Variants in SLC37A1 observed in about 807,000 individuals in gnomAD.
SLC37A1 encodes glucose-6-phosphate exchanger SLC37A1.
A neutral mutation model predicts 75.3 loss-of-function variants in SLC37A1; 49 were observed. The observed-to-expected ratio is 0.65, with a 90% CI of 0.52 to 0.83. The LOEUF (loss-of-function observed/expected upper bound fraction) is 0.83, where lower values mean the gene tolerates loss of function less well. SLC37A1 is among the 40% of genes least tolerant of loss of function. The probability of loss-of-function intolerance (pLI) is 0.00; values close to 1 mark genes in which losing one functional copy is unlikely to be tolerated. For synonymous variants in SLC37A1, 268 were observed against 292.1 expected, an observed-to-expected ratio of 0.92 and a Z score of 0.84; for missense variants, 566 against 695.0, an observed-to-expected ratio of 0.81 and a Z score of 2.09.
intron 19 of SLC37A1, among the ~76,000 whole-genome samples, chr21:42,580,090 T>C (rs1404142798): frequency 6.6e-6 from 1 of 150,884 alleles, no homozygotes; most frequent in Non-Finnish European, 1.5e-5. Flanking sequence ...CTCGCCCCCT[T>C]CTCCCTCCCT....
Position 42,547,099 on chromosome 21 carries a change from T to C in SLC37A1, c.731-4T>C, listed in dbSNP as rs1479849232. The stretch of plus-strand genomic sequence containing the variant: ...CTCAGCCTCACTCATGTTTGCTCTT[T>C]CAGATCCGAACGACGTCAGGTGCTC... On this transcript the variant is annotated splice_region_variant and splice_polypyrimidine_tract_variant and intron_variant, in intron 8 of 19. Coordinates refer to ENST00000352133, the MANE Select transcript of SLC37A1 (RefSeq NM_001320537.2). The surrounding 1 kb of genome is among the most constrained non-coding windows in gnomAD (Gnocchi z 6.1). 1 of 1,614,054 alleles carries C rather than the reference T, an allele frequency of 6.2e-7. No individual in the cohort carries two copies. Among genetic ancestry groups the C allele is most frequent in the Non-Finnish European group, 8.5e-7 (1 of 1,180,022 alleles).
At chr21:42,554,690 T>C (rs2055638679) in intron 10 of SLC37A1, among the ~76,000 whole-genome samples, 1 of 152,154 alleles carries the variant, frequency 6.6e-6, no homozygotes, top group African/African-American at 2.4e-5. Context: ...AGGAGGCATC[T>C]CCACCTCCCC....
chr21:42,540,442 A>G (rs2146871277), intron 6 of SLC37A1, among the ~76,000 whole-genome samples: 1 of 152,108 alleles, frequency 6.6e-6, no homozygotes, highest in East Asian at 1.9e-4. Flanking sequence ...AGACCTGAGG[A>G]GTCTACAGAG....
At chr21:42,535,897 C>T (rs898114800) in intron 5 of SLC37A1, among the ~76,000 whole-genome samples, 2 of 152,250 alleles carry the variant, frequency 1.3e-5, no homozygotes, top group African/African-American at 2.4e-5. Flanking sequence ...GTTTCCTGTT[C>T]AGCAGAGCCC....
At chr21:42,515,858 A>G (rs973896700) in intron 1 of SLC37A1, among the ~76,000 whole-genome samples, 9 of 152,122 alleles carry the variant, frequency 5.9e-5, no homozygotes, top group Non-Finnish European at 1.3e-4. Context: ...TCCCAGGTTC[A>G]AGTGATTTTC....
chr21:42,523,407 G>A (rs2054701143), intron 2 of SLC37A1, among the ~76,000 whole-genome samples: 1 of 152,242 alleles, frequency 6.6e-6, no homozygotes. Flanking sequence ...CTGTGGGCTG[G>A]ACAAGTGAGC....
chr21:42,564,811 C>T lies in SLC37A1; in HGVS notation c.1221+18C>T, dbSNP rs1334743546. The T allele has an allele frequency of 6.2e-7, 1 of 1,600,478 alleles. No homozygotes were observed. On this transcript the variant is annotated intron_variant, in intron 14 of 19. Coordinates refer to ENST00000352133, the MANE Select transcript of SLC37A1 (RefSeq NM_001320537.2). ...CCCCCACGGTCAGCCGTGCTGCCTT[C>T]CCTGGGCCCCAAAGCCTGCAGACAG...
intron 2 of SLC37A1, among the ~76,000 whole-genome samples, chr21:42,522,579 T>C (rs2054680637): frequency 6.6e-6 from 1 of 152,086 alleles, no homozygotes; most frequent in African/African-American, 2.4e-5. Flanking sequence ...AAGCCCCAAG[T>C]CCTAAGTACA....
At chr21:42,519,950 C>G (rs1334149727) in intron 2 of SLC37A1, among the ~76,000 whole-genome samples, 1 of 148,256 alleles carries the variant, frequency 6.7e-6, no homozygotes, top group Non-Finnish European at 1.5e-5. Context: ...TCTCCCTGCC[C>G]CTCCACAGTG....
intron 17 of SLC37A1, among the ~76,000 whole-genome samples, chr21:42,570,102 G>C (rs191358499): frequency 9.7e-6 from 1 of 103,406 alleles, no homozygotes; most frequent in East Asian, 2.3e-4. Flanking sequence ...CTGGTTCTGA[G>C]AAGTGGTGGG....
At chr21:42,519,586 C>T (rs1431726298) in intron 2 of SLC37A1, among the ~76,000 whole-genome samples, 3 of 152,164 alleles carry the variant, frequency 2.0e-5, no homozygotes, top group East Asian at 1.9e-4. Flanking sequence ...GATGCCACAG[C>T]GGCAGATTCT....
intron 6 of SLC37A1, among the ~76,000 whole-genome samples, chr21:42,541,578 T>C (rs1428928018): frequency 6.6e-6 from 1 of 152,212 alleles, no homozygotes; most frequent in Admixed American, 6.5e-5. Context: ...AGAGATACTT[T>C]GTCCAGGCGC....
chr21:42,538,438 G>C (rs1470913979), intron 5 of SLC37A1, among the ~76,000 whole-genome samples: 1 of 152,206 alleles, frequency 6.6e-6, no homozygotes, highest in Non-Finnish European at 1.5e-5. Context: ...GTAGGTTTTT[G>C]AGATGAAAGC....
chr21:42,524,727 G>A (rs907976928), intron 2 of SLC37A1, among the ~76,000 whole-genome samples: 6 of 152,136 alleles, frequency 3.9e-5, no homozygotes, highest in Non-Finnish European at 5.9e-5. Context: ...CTTTGGTTAC[G>A]GTTTCTTTAA....
chr21:42,508,122 CTTT>C (rs398036474), intron 2 of SLC37A1, among the ~76,000 whole-genome samples: 17 of 80,940 alleles, frequency 2.1e-4, no homozygotes, highest in Admixed American at 8.4e-4. Context: ...AGAGTACGCT[CTTT>C]TTTTTTTTTT....
chr21:42,512,009 T>C (rs1478153726), upstream of SLC37A1, among the ~76,000 whole-genome samples: 1 of 150,804 alleles, frequency 6.6e-6, no homozygotes, highest in Non-Finnish European at 1.5e-5. Context: ...CTCTAATGTA[T>C]AGTTAGTAAT....
chr21:42,560,204 G>C (rs2146971070), intron 11 of SLC37A1, among the ~76,000 whole-genome samples: 1 of 152,382 alleles, frequency 6.6e-6, no homozygotes, highest in South Asian at 2.1e-4. Flanking sequence ...TCTCAGCAGA[G>C]AATCTAAGGA....
chr21:42,523,897 C>CTT (rs11450148), intron 2 of SLC37A1, among the ~76,000 whole-genome samples: 2,254 of 148,732 alleles, frequency 0.015, 49 homozygotes, highest in African/African-American at 0.052. Context: ...GAAATATGGC[C>CTT]TTTTTTTTTT....
At chr21:42,576,305 A>C (rs1201392648) in intron 18 of SLC37A1, among the ~76,000 whole-genome samples, 2 of 152,112 alleles carry the variant, frequency 1.3e-5, no homozygotes, top group Non-Finnish European at 2.9e-5. Flanking sequence ...ATTAGGGGGA[A>C]GAAATCTCCC....
Sources: allele counts gnomAD v4.1 joint callset (sites outside exome capture counted in the v4.1 genomes callset), GRCh38; gene constraint gnomAD v4.1.1; non-coding constraint Gnocchi (gnomAD v3.1); transcripts MANE v1.5; gene names NCBI Gene and HGNC (gene_info 2026-07-23, HGNC 2026-07-21).